The following CYB5B variants were observed in gnomAD, a reference collection of about 807,000 sequenced individuals.
The protein encoded by CYB5B is cytochrome b5 type B (outer mitochondrial membrane).
In CYB5B, 14 loss-of-function variants were observed where a neutral mutation model predicts 21.3. The ratio of observed to expected loss-of-function variants is 0.66; its 90% CI spans 0.43 to 1.03. CYB5B has a LOEUF of 1.03. CYB5B is among the 50% of genes least tolerant of loss of function. The probability of loss-of-function intolerance (pLI) is 0.00; values close to 1 mark genes in which losing one functional copy is unlikely to be tolerated. For synonymous variants in CYB5B, 69 were observed against 68.4 expected (o/e 1.01, Z -0.04); for missense variants, 166 against 185.1 (o/e 0.90, Z 0.60).
rs990617842 is a variant in CYB5B at position 69,463,713 on chromosome 16, C to T, written c.*1193C>T. 7 of 152,022 alleles carry T rather than the reference C, an allele frequency of 4.6e-5. No individual in the cohort carries two copies. Among genetic ancestry groups the T allele is most frequent in the African/African-American group, 1.2e-4 (5 of 41,388 alleles). The allele number at this position is 152,022 out of a possible 1,614,324, so 9.4% of individuals were successfully genotyped here. A position where few individuals can be genotyped will look rare whatever the true frequency, so the allele number is the denominator to read the frequency against. ...AAAGTGAGAGTTCATGACAACAGACCGTTTTCCATTTCATCTGTATTTTAT... is the reference window on the plus strand; with the variant it reads ...AAAGTGAGAGTTCATGACAACAGACTGTTTTCCATTTCATCTGTATTTTAT... On this transcript the variant is annotated 3_prime_UTR_variant, in exon 5 of 5. Transcript: ENST00000307892.
intron 3 of CYB5B, among the ~76,000 whole-genome samples, chr16:69,458,519 A>G (rs2015003156): frequency 6.6e-6 from 1 of 152,060 alleles, no homozygotes; most frequent in Non-Finnish European, 1.5e-5. Flanking sequence ...TTATTTTATC[A>G]TTTTCTTTCC....
intron 3 of CYB5B, among the ~76,000 whole-genome samples, chr16:69,455,424 G>T (rs1482143800): frequency 4.1e-5 from 6 of 147,958 alleles, no homozygotes; most frequent in African/African-American, 1.5e-4. Flanking sequence ...TTTTTTGGTG[G>T]GGGGACGAAA....
chr16:69,444,637 G>C (rs2014859594), intron 1 of CYB5B, among the ~76,000 whole-genome samples: 1 of 151,454 alleles, frequency 6.6e-6, no homozygotes, highest in Non-Finnish European at 1.5e-5. Context: ...AATTTTGTTT[G>C]ATCACTCTGA....
Position 69,462,739 on chromosome 16 carries a change from C to T in CYB5B, c.*219C>T. On this transcript the variant is annotated 3_prime_UTR_variant, in exon 5 of 5. Coordinates refer to ENST00000307892, the MANE Select transcript of CYB5B (RefSeq NM_030579.3). Reference sequence around the variant, plus strand: ...TACCTGCTCACTGTTCCGTGTTGAACAATTGCCGGTGTTTCCTCTCTTCAC... The same window carrying T: ...TACCTGCTCACTGTTCCGTGTTGAATAATTGCCGGTGTTTCCTCTCTTCAC... 1 of 507,322 alleles carries T rather than the reference C, an allele frequency of 2.0e-6. No homozygotes were observed. The highest frequency in any genetic ancestry group is 1.9e-5 in the African/African-American group (1 of 52,264). 31.4% of individuals were successfully genotyped at this position (507,322 alleles called of 1,614,324 possible).
chr16:69,459,295 C>T, intron 4 of CYB5B, 174 bp downstream of exon 4: 3 of 787,676 alleles, frequency 3.8e-6, no homozygotes, highest in Non-Finnish European at 5.8e-6. Context: ...TTAACTTTTA[C>T]AGTTTCAGCC....
chr16:69,457,490 A>G (rs1278168916), intron 3 of CYB5B, among the ~76,000 whole-genome samples: 2 of 152,178 alleles, frequency 1.3e-5, no homozygotes, highest in Non-Finnish European at 2.9e-5. Context: ...TTCTTGATGG[A>G]ATTCAATTAT....
In CYB5B at chr16:69,447,233, T is replaced by C; in HGVS notation, c.258T>C (p.Asp86=). The change falls in exon 2 of 5, where the codon GAT becomes GAC. Residue 86 remains aspartate (D), a synonymous_variant. Transcript: ENST00000307892. ...ESFEDVGHSS[D]AREMLKQYYI... ...TTGAAGATGTAGGACACTCTTCTGA[T>C]GCCAGAGAAATGCTAAAGCAGTACT... 6.2e-7 allele frequency: 1 copy of C among 1,614,038 alleles called. No homozygotes were observed.
Position 69,462,501 on chromosome 16 carries a change from C to T in CYB5B, c.434C>T (p.Ser145Leu), listed in dbSNP as rs1322959180. The change falls in exon 5 of 5, where the codon TCG (serine) becomes TTG (leucine). Residue 145 changes from serine (S) to leucine (L), a missense_variant. Physicochemically the swap from Ser to Leu is moderately radical, Grantham distance 145 (BLOSUM62 -2). Coordinates refer to ENST00000307892, the MANE Select transcript of CYB5B (RefSeq NM_030579.3). The stretch of plus-strand genomic sequence containing the variant: ...GGTTTCCTGTACCGCTACTACACAT[C>T]GGAAAGCAAATCCTCCTGAGGAGGC... Reference protein sequence around the residue: ...LLGFLYRYYTSESKSS With the variant: ...LLGFLYRYYTLESKSS 3 of 1,613,938 alleles carry T rather than the reference C, an allele frequency of 1.9e-6. No individual in the cohort carries two copies. The highest frequency in any genetic ancestry group is 3.3e-5 in the Admixed American group (2 of 60,000).
chr16:69,464,543 C>G lies in CYB5B; in HGVS notation c.*2023C>G, dbSNP rs2015068247. 1 of 152,164 alleles carries G rather than the reference C, an allele frequency of 6.6e-6. No individual in the cohort carries two copies. Among genetic ancestry groups the G allele is most frequent in the South Asian group, 2.1e-4 (1 of 4,822 alleles). The allele number at this position is 152,164 out of a possible 1,614,324, so 9.4% of individuals were successfully genotyped here. A position where few individuals can be genotyped will look rare whatever the true frequency, so the allele number is the denominator to read the frequency against. On this transcript the variant is annotated 3_prime_UTR_variant, in exon 5 of 5. Coordinates refer to ENST00000307892, the MANE Select transcript of CYB5B (RefSeq NM_030579.3). ...TAAAGAACAGAGGAGTATTGAGGAG[C>G]TTGAAAGGGAACATTCAAACTAAAG...
rs2015087738 is a variant in CYB5B at position 69,466,147 on chromosome 16, CAGTT to C, written c.*3632_*3635del. Reference sequence around the variant, plus strand: ...CATTCCTTTTGTGTATTCAATAATGCAGTTAGTTTACCTTTTTCAGAATATTTTG... The same window carrying C: ...CATTCCTTTTGTGTATTCAATAATGCAGTTTACCTTTTTCAGAATATTTTG... On this transcript the variant is annotated 3_prime_UTR_variant, in exon 5 of 5. Transcript: ENST00000307892. 1 of 152,434 alleles carries C rather than the reference CAGTT, an allele frequency of 6.6e-6. No homozygotes were observed. The highest frequency in any genetic ancestry group is 2.4e-5 in the African/African-American group (1 of 41,350). The allele number at this position is 152,434 out of a possible 1,614,324, so 9.4% of individuals were successfully genotyped here. A position where few individuals can be genotyped will look rare whatever the true frequency, so the allele number is the denominator to read the frequency against.
At chr16:69,450,888 G>C (rs7185800) in intron 3 of CYB5B, among the ~76,000 whole-genome samples, 123,382 of 152,002 alleles carry the variant, frequency 0.81, 50,232 homozygotes, top group Middle Eastern at 0.9. Flanking sequence ...CCTACTGCCC[G>C]CCAAGAAAGA....
chr16:69,455,134 T>G (rs934107593), intron 3 of CYB5B, among the ~76,000 whole-genome samples: 10 of 152,242 alleles, frequency 6.6e-5, no homozygotes, highest in Non-Finnish European at 4.4e-5. Context: ...GACCTCATGA[T>G]CCGCCTGTCT....
At chr16:69,450,863 C>G (rs1444592846) in intron 3 of CYB5B, among the ~76,000 whole-genome samples, 2 of 152,152 alleles carry the variant, frequency 1.3e-5, no homozygotes, top group East Asian at 3.8e-4. Flanking sequence ...TACTCCCTGT[C>G]TGAACTGCAC....
chr16:69,437,974 C>T (rs938607391), intron 1 of CYB5B, among the ~76,000 whole-genome samples: 21 of 152,264 alleles, frequency 1.4e-4, no homozygotes, highest in African/African-American at 4.3e-4. Context: ...GCATTAAGTA[C>T]ATTCATGTTG....
At chr16:69,448,512 C>G (rs2014900335) in intron 3 of CYB5B, 1 of 206,832 alleles carries the variant, frequency 4.8e-6, no homozygotes, top group Non-Finnish European at 9.6e-6. Flanking sequence ...AAAATAATTG[C>G]AAAGTTGTTT....
At chr16:69,460,903 T>G (rs1462695220) in intron 4 of CYB5B, among the ~76,000 whole-genome samples, 1 of 152,214 alleles carries the variant, frequency 6.6e-6, no homozygotes, top group Non-Finnish European at 1.5e-5. Flanking sequence ...TTGTTGAACC[T>G]GAATCTCCTG....
intron 1 of CYB5B, among the ~76,000 whole-genome samples, chr16:69,442,211 T>C (rs553175453): frequency 6.6e-6 from 1 of 152,310 alleles, no homozygotes; most frequent in Admixed American, 6.5e-5. Context: ...TTAATAATGC[T>C]TTTTCTTTCT....
At chr16:69,459,070 AT>A (rs34120910) in intron 3 of CYB5B, 22 bp from the exon 4 acceptor site, 20,141 of 1,334,536 alleles carry the variant, frequency 0.015, no homozygotes, top group East Asian at 0.049. Context: ...TTATTTTTGA[AT>A]TTTTTTTTTT....
chr16:69,428,607 G>A (rs1200932132), intron 1 of CYB5B, among the ~76,000 whole-genome samples: 2 of 152,034 alleles, frequency 1.3e-5, no homozygotes, highest in African/African-American at 4.8e-5. Context: ...AGCGATCCAA[G>A]ATTGTGGCAC....
Sources: gnomAD v4.1 joint callset for allele counts (sites outside exome capture counted in the v4.1 genomes callset) on GRCh38, gnomAD v4.1.1 for gene constraint, MANE v1.5 for transcripts, NCBI Gene and HGNC (gene_info 2026-07-23, HGNC 2026-07-21) for gene names.